DMD: variants seen among roughly 807,000 people sequenced by gnomAD.
DMD encodes dystrophin.
DMD carries 63 observed loss-of-function variants against 330.1 expected under a neutral mutation model. The ratio of observed to expected loss-of-function variants is 0.19; its 90% CI spans 0.16 to 0.24. The LOEUF (loss-of-function observed/expected upper bound fraction) is 0.24, where lower values mean the gene tolerates loss of function less well. DMD is among the 10% of genes least tolerant of loss of function. The pLI, the probability that DMD is intolerant of heterozygous loss-of-function variation, is 1.00. For missense variants in DMD, 3,344 were observed against 2,684.1 expected (o/e 1.25, Z -5.43); for synonymous variants, 1,223 against 959.8 (o/e 1.27, Z -5.07).
chrX:32,252,805 A>T lies in DMD; in HGVS notation c.6290+34724T>A, dbSNP rs1432428893. On this transcript the variant is annotated intron_variant, in intron 43 of 78. Transcript: ENST00000357033. ...ATAAATATATATAAATATATATATAAATATATATAAGTATATAAATATATA... is the reference window on the plus strand; with the variant it reads ...ATAAATATATATAAATATATATATATATATATATAAGTATATAAATATATA... Among the ~76,000 whole-genome samples the T allele has an allele frequency of 1.5e-3, 93 of 63,204 alleles. 9 individuals are homozygous for T. Among genetic ancestry groups the T allele is most frequent in the African/African-American group, 6.0e-3 (82 of 13,611 alleles). 54.9% of individuals were successfully genotyped at this position (63,204 alleles called of 115,157 possible).
chrX:31,618,233 G>GAAAAAAAAA (rs59868097), intron 55 of DMD, among the ~76,000 whole-genome samples: 1 of 89,988 alleles, frequency 1.1e-5, no homozygotes. Flanking sequence ...AAATAAAAGT[G>GAAAAAAAAA]AAAAAAAAAA....
Position 31,473,839 on chromosome X carries a change from A to C in DMD, c.8937+4267T>G, listed in dbSNP as rs1040974037. ...TTCTACTTTATTAAAGCCTTTATAT[A>C]TTCCACTTACAGATCTATGTGGAAC... On this transcript the variant is annotated intron_variant, in intron 59 of 78. Coordinates refer to ENST00000357033, the MANE Select transcript of DMD (RefSeq NM_004006.3). Among the ~76,000 whole-genome samples, 67 of 111,608 alleles carry C rather than the reference A, an allele frequency of 6.0e-4. 1 individual carries two copies. The highest frequency in any genetic ancestry group is 1.1e-4 in the Non-Finnish European group (6 of 53,221).
At chrX:33,216,654 GAATT>G (rs1205307768) in intron 1 of DMD, among the ~76,000 whole-genome samples, 11 of 111,975 alleles carry the variant, frequency 9.8e-5, no homozygotes, top group East Asian at 5.6e-4. Context: ...GTTTACAGAT[GAATT>G]AATTAGACAT....
At chrX:32,611,239 T>C (rs1435232407) in intron 12 of DMD, among the ~76,000 whole-genome samples, 1 of 110,555 alleles carries the variant, frequency 9.0e-6, no homozygotes, top group Non-Finnish European at 1.9e-5. Context: ...CAAAAAATAT[T>C]GTCAAATCTG....
chrX:32,264,256 T>C (rs1010086622), intron 43 of DMD, among the ~76,000 whole-genome samples: 2 of 111,640 alleles, frequency 1.8e-5, no homozygotes, highest in East Asian at 2.8e-4. Flanking sequence ...AAGGATGTGT[T>C]TGCTTCTGCT....
Position 31,287,851 on chromosome X carries a change from A to C in DMD, c.9225-26835T>G, listed in dbSNP as rs191943599. ...GGTAAATATTTCTCATTTATATAAC[A>C]TGAGGTCAGTCATTCCTAATGAATC... is the stretch of plus-strand genomic sequence containing the variant. On this transcript the variant is annotated intron_variant, in intron 62 of 78. Transcript: ENST00000357033. Among the ~76,000 whole-genome samples the C allele has an allele frequency of 3.7e-4, 42 of 112,163 alleles. 1 individual carries two copies. Among genetic ancestry groups the C allele is most frequent in the African/African-American group, 1.4e-3 (42 of 30,917 alleles).
intron 21 of DMD, among the ~76,000 whole-genome samples, chrX:32,477,400 G>A (rs999991764): frequency 4.5e-5 from 5 of 110,325 alleles, no homozygotes; most frequent in African/African-American, 1.6e-4. Flanking sequence ...TTATAGTAAA[G>A]GAATACAAAA....
intron 12 of DMD, among the ~76,000 whole-genome samples, chrX:32,600,649 G>A (rs754032303): frequency 1.9e-5 from 2 of 106,602 alleles, no homozygotes; most frequent in African/African-American, 6.9e-5. Context: ...AAACAACACA[G>A]AACGCTGTTC....
At chrX:33,224,023 A>C (rs2052238801) in intron 1 of DMD, among the ~76,000 whole-genome samples, 1 of 112,294 alleles carries the variant, frequency 8.9e-6, no homozygotes, top group Non-Finnish European at 1.9e-5. Flanking sequence ...AAATTAAAAC[A>C]ACAATGTGAT....
At chrX:32,310,393 A>G in intron 41 of DMD, 117 bp from the exon 42 acceptor site, 3 of 591,785 alleles carry the variant, frequency 5.1e-6, no homozygotes, top group Non-Finnish European at 8.3e-6. Flanking sequence ...AACTGGGCTG[A>G]AAATGGATTC....
chrX:31,477,311 A>G (rs1399861758), intron 59 of DMD, among the ~76,000 whole-genome samples: 1 of 111,828 alleles, frequency 8.9e-6, no homozygotes, highest in Non-Finnish European at 1.9e-5. Flanking sequence ...GAACAGTTCC[A>G]TGAAAGCCAA....
chrX:32,012,250 G>C (rs2095715414), intron 44 of DMD, among the ~76,000 whole-genome samples: 1 of 112,168 alleles, frequency 8.9e-6, no homozygotes, highest in Non-Finnish European at 1.9e-5. Context: ...TGTAAGGTTT[G>C]AGGTGAGACG....
At chrX:32,788,946 G>A (rs373794479) in intron 7 of DMD, among the ~76,000 whole-genome samples, 5 of 111,735 alleles carry the variant, frequency 4.5e-5, no homozygotes, top group Admixed American at 9.5e-5. Flanking sequence ...ACACAGTGAT[G>A]TCAATTAGTA....
intron 62 of DMD, among the ~76,000 whole-genome samples, chrX:31,266,159 C>CAAAAAAAAAAAAAAAAAAAAAAAAA (rs1174153877): frequency 1.5e-4 from 2 of 13,331 alleles, no homozygotes; most frequent in African/African-American, 3.7e-4. Flanking sequence ...TCCCGAAGGG[C>CAAAAAAAAAAAAAAAAAAAAAAAAA]AAAAAAAAAA....
At chrX:33,010,160 GTA>G (rs1235979129) in intron 2 of DMD, among the ~76,000 whole-genome samples, 1 of 103,015 alleles carries the variant, frequency 9.7e-6, no homozygotes, top group East Asian at 3.3e-4. Flanking sequence ...ATACATGTGT[GTA>G]TATGTATATA....
At chrX:31,400,611 A>G (rs1482660288) in intron 60 of DMD, among the ~76,000 whole-genome samples, 1 of 112,175 alleles carries the variant, frequency 8.9e-6, no homozygotes, top group Non-Finnish European at 1.9e-5. Flanking sequence ...GACGAAGATG[A>G]AAGTCTTGAC....
intron 1 of DMD, among the ~76,000 whole-genome samples, chrX:33,094,544 C>T (rs757277995): frequency 7.3e-4 from 82 of 111,732 alleles, no homozygotes; most frequent in African/African-American, 2.5e-3. Context: ...CGGTGGCTCA[C>T]GCCTGTAATC....
At chrX:32,021,102 A>G (rs1346844232) in intron 44 of DMD, among the ~76,000 whole-genome samples, 1 of 112,636 alleles carries the variant, frequency 8.9e-6, no homozygotes, top group East Asian at 2.8e-4. Flanking sequence ...ACTATAAAAC[A>G]TATACAAGAA....
chrX:32,393,126 GC>G (rs1444888832), intron 30 of DMD, among the ~76,000 whole-genome samples: 1 of 111,975 alleles, frequency 8.9e-6, no homozygotes, highest in Non-Finnish European at 1.9e-5. Context: ...CTTTATTACT[GC>G]CCTTGGATTC....
Sources: gnomAD v4.1 joint callset for allele counts (sites outside exome capture counted in the v4.1 genomes callset) on GRCh38, gnomAD v4.1.1 for gene constraint, MANE v1.5 for transcripts, NCBI Gene and HGNC (gene_info 2026-07-23, HGNC 2026-07-21) for gene names.